COLGALT1: variants seen among roughly 807,000 people sequenced by gnomAD.
COLGALT1 encodes the protein collagen beta(1-O)galactosyltransferase 1.
In COLGALT1, 43 loss-of-function variants were observed where a neutral mutation model predicts 60.8. The ratio of observed to expected loss-of-function variants is 0.71; its 90% CI spans 0.55 to 0.91. COLGALT1 has a LOEUF of 0.91. Ranked by LOEUF, COLGALT1 falls within the 40% of genes least tolerant of loss-of-function variation. The probability of loss-of-function intolerance (pLI) is 0.00; values close to 1 mark genes in which losing one functional copy is unlikely to be tolerated. For missense variants in COLGALT1, 845 were observed against 880.0 expected (o/e 0.96, Z 0.50); for synonymous variants, 369 against 374.2 (o/e 0.99, Z 0.16).
chr19:17,577,003 T>TGAGAGGCAGGA (rs1568480813), intron 6 of COLGALT1, 192 bp from the exon 7 acceptor site: 128 of 589,578 alleles, frequency 2.2e-4, no homozygotes, highest in South Asian at 2.6e-4. Flanking sequence ...TGGCCAGGGC[T>TGAGAGGCAGGA]TTGGGCTGCT....
At chr19:17,567,133 C>G (rs1236397413) in intron 3 of COLGALT1, among the ~76,000 whole-genome samples, 2 of 152,040 alleles carry the variant, frequency 1.3e-5, no homozygotes, top group African/African-American at 4.8e-5. Flanking sequence ...AAAGGTTTTG[C>G]TACCTTCTTG....
chr19:17,579,445 T>C (rs1251020372), intron 9 of COLGALT1, 37 bp from the exon 10 acceptor site: 1 of 1,613,948 alleles, frequency 6.2e-7, no homozygotes, highest in East Asian at 2.2e-5. Context: ...GGCCTGGCCT[T>C]GGCCTCCCTG....
In COLGALT1 at chr19:17,579,513, T is replaced by G. The variant is rs747263236; in HGVS notation, c.1298T>G (p.Val433Gly). ...GACCGGGGGCTGCAGAAATCGCTTGTGTTTGAGGATGACCTGCGTTTTGAG... is the reference window on the plus strand; with the variant it reads ...GACCGGGGGCTGCAGAAATCGCTTGGGTTTGAGGATGACCTGCGTTTTGAG... ...VVDRGLQKSL[V>G]FEDDLRFEIF... The change falls in exon 10 of 12, where the codon GTG becomes GGG. Residue 433 changes from valine to glycine, a missense_variant. Transcript: ENST00000252599. The G allele has an allele frequency of 1.2e-6, 2 of 1,613,984 alleles. No homozygotes were observed. The highest frequency in any genetic ancestry group is 1.7e-6 in the Non-Finnish European group (2 of 1,179,982).
chr19:17,558,888 G>A (rs1001842282), intron 1 of COLGALT1, among the ~76,000 whole-genome samples: 7 of 151,942 alleles, frequency 4.6e-5, no homozygotes, highest in African/African-American at 7.3e-5. Context: ...GGCCGGGCGC[G>A]GTGGCTCACG....
At chr19:17,577,302 G>T (rs371749454) in intron 7 of COLGALT1, 31 bp downstream of exon 7, 45 of 1,611,144 alleles carry the variant, frequency 2.8e-5, no homozygotes, top group Middle Eastern at 1.6e-4. Flanking sequence ...AGGCGGGGCG[G>T]GGGCTGGAGG....
At chr19:17,580,048 G>C (rs1377442997) in intron 10 of COLGALT1, 1 of 192,628 alleles carries the variant, frequency 5.2e-6, no homozygotes, top group Non-Finnish European at 1.1e-5. Context: ...CTTGACTGAG[G>C]CCTGTGGAGG....
chr19:17,559,022 G>A (rs1372896484), intron 1 of COLGALT1, among the ~76,000 whole-genome samples: 2 of 152,080 alleles, frequency 1.3e-5, no homozygotes, highest in South Asian at 2.1e-4. Context: ...TTAGCCGGGT[G>A]TGGTGGCGGG....
rs781164776 is a variant in COLGALT1 at position 17,580,754 on chromosome 19, G to C, written c.1450G>C (p.Val484Leu). 6.2e-7 allele frequency: 1 copy of C among 1,614,044 alleles called. No homozygotes were observed. Among genetic ancestry groups the C allele is most frequent in the Non-Finnish European group, 8.5e-7 (1 of 1,180,018 alleles). Reference sequence around the variant, plus strand: ...GCACCCCGAGAAGGCTGTGCCTCGCGTGAGGAACCTGGTGGAGGCCGACTA... The same window carrying C: ...GCACCCCGAGAAGGCTGTGCCTCGCCTGAGGAACCTGGTGGAGGCCGACTA... ...VEHPEKAVPR[V>L]RNLVEADYSY... Residue 484 changes from valine (V) to leucine (L), a missense_variant, in exon 11 of 12, where the codon GTG (valine) becomes CTG (leucine). Transcript: ENST00000252599.
In COLGALT1 at chr19:17,555,848, G is replaced by A. The variant is rs754091915; in HGVS notation, c.135G>A (p.Pro45=). The A allele has an allele frequency of 5.9e-5, 80 of 1,357,032 alleles. 2 individuals are homozygous for A. The East Asian group carries it at 2.1e-3, about 36-fold the overall frequency. 84.1% of individuals were successfully genotyped at this position (1,357,032 alleles called of 1,614,324 possible). ...ACTTCCCCGAGGAGCGCTGGAGCCCGGAGTCGCCCCTGCAGGCGCCGCGCG... is the reference window on the plus strand; with the variant it reads ...ACTTCCCCGAGGAGCGCTGGAGCCCAGAGTCGCCCCTGCAGGCGCCGCGCG... The part of the protein sequence containing the change: ...DAYFPEERWS[P]ESPLQAPRVL... The change falls in exon 1 of 12, where the codon CCG becomes CCA. Residue 45 remains proline, a synonymous_variant. Transcript: ENST00000252599.
Position 17,567,557 on chromosome 19 carries a change from G to A in COLGALT1, c.624+17G>A. 1 of 1,608,012 alleles carries A rather than the reference G, an allele frequency of 6.2e-7. No homozygotes were observed. The highest frequency in any genetic ancestry group is 8.5e-7 in the Non-Finnish European group (1 of 1,177,116). The stretch of plus-strand genomic sequence containing the variant: ...ACTTCCCAGGTAGAGTGAGGGCCTG[G>A]GGACTGTGGGGACTGGGCTGAGCAG... On this transcript the variant is annotated intron_variant, in intron 4 of 11. Coordinates refer to ENST00000252599, the MANE Select transcript of COLGALT1 (RefSeq NM_024656.4).
In COLGALT1 at chr19:17,577,463, G is replaced by C. The variant is rs1568481244; in HGVS notation, c.1129G>C (p.Gly377Arg). ...IECRLVEAVD[G>R]KAMNTSQVEA... ...GTGCCGGCTGGTGGAGGCCGTGGACGGCAAGTGAGTCCGAGGCCTGGGGGT... is the reference window on the plus strand; with the variant it reads ...GTGCCGGCTGGTGGAGGCCGTGGACCGCAAGTGAGTCCGAGGCCTGGGGGT... The change falls in exon 8 of 12, where the codon GGC (glycine) becomes CGC (arginine). Residue 377 changes from glycine to arginine, a missense_variant. Physicochemically the swap from Gly to Arg is moderately radical, Grantham distance 125 (BLOSUM62 -2). Coordinates refer to ENST00000252599, the MANE Select transcript of COLGALT1 (RefSeq NM_024656.4). 1.5e-6 allele frequency: 2 copies of C among 1,374,126 alleles called. No individual in the cohort carries two copies. Among genetic ancestry groups the C allele is most frequent in the Non-Finnish European group, 9.5e-7 (1 of 1,055,860 alleles). 85.1% of individuals were successfully genotyped at this position (1,374,126 alleles called of 1,614,324 possible).
chr19:17,577,435 C>A lies in COLGALT1; in HGVS notation c.1101C>A (p.Ile367=). 1 of 1,186,758 alleles carries A rather than the reference C, an allele frequency of 8.4e-7. No individual in the cohort carries two copies. The highest frequency in any genetic ancestry group is 1.1e-6 in the Non-Finnish European group (1 of 942,908). 73.5% of individuals were successfully genotyped at this position (1,186,758 alleles called of 1,614,324 possible). A position where few individuals can be genotyped will look rare whatever the true frequency, so the allele number is the denominator to read the frequency against. The change falls in exon 8 of 12, where the codon ATC becomes ATA. Residue 367 remains isoleucine, a synonymous_variant. Coordinates refer to ENST00000252599, the MANE Select transcript of COLGALT1 (RefSeq NM_024656.4). ...TGCGGGCGCTGCAGGCACAGGAGAT[C>A]GAGTGCCGGCTGGTGGAGGCCGTGG... ...RMLRALQAQE[I]ECRLVEAVDG...
chr19:17,561,448 G>GAGGA (rs2076248410), intron 3 of COLGALT1, among the ~76,000 whole-genome samples: 1 of 151,632 alleles, frequency 6.6e-6, no homozygotes, highest in African/African-American at 2.4e-5. Flanking sequence ...CAAGAAGCAG[G>GAGGA]AGGAAGGGGT....
At chr19:17,564,863 A>G (rs2076271466) in intron 3 of COLGALT1, among the ~76,000 whole-genome samples, 1 of 152,040 alleles carries the variant, frequency 6.6e-6, no homozygotes, top group African/African-American at 2.4e-5. Flanking sequence ...CCAGAAAGAA[A>G]ACCCTATTCC....
At chr19:17,580,523 C>G in intron 10 of COLGALT1, 176 bp from the exon 11 acceptor site, 2 of 635,942 alleles carry the variant, frequency 3.1e-6, no homozygotes, top group South Asian at 3.9e-5. Context: ...CTCTTCTCCC[C>G]CATGACCGCC....
chr19:17,557,397 T>C (rs373294681), intron 1 of COLGALT1, among the ~76,000 whole-genome samples: 4 of 151,800 alleles, frequency 2.6e-5, no homozygotes, highest in Middle Eastern at 3.4e-3. Context: ...CGCCTCCGGG[T>C]TCAAGTGATT....
At position 17,581,344 on chromosome 19, in the gene COLGALT1, AG is replaced by A; in HGVS notation, c.1770del (p.Lys590AsnfsTer11). On this transcript the variant is annotated frameshift_variant, in exon 12 of 12. Coordinates refer to ENST00000252599, the MANE Select transcript of COLGALT1 (RefSeq NM_024656.4). LOFTEE classifies it low-confidence loss of function (END_TRUNC). ...EHVKTDWDRA[K>X]SQKMREQQAL... ...GTCAAGACCGACTGGGACCGCGCCA[AG>A]TCCCAGAAGATGCGGGAGCAGCAGG... is the stretch of plus-strand genomic sequence containing the variant. 8.1e-6 allele frequency: 13 copies of A among 1,613,472 alleles called. No individual in the cohort carries two copies. Among genetic ancestry groups the A allele is most frequent in the Non-Finnish European group, 1.1e-5 (13 of 1,179,996 alleles).
chr19:17,556,215 C>G (rs1489308309), intron 1 of COLGALT1, among the ~76,000 whole-genome samples: 2 of 152,326 alleles, frequency 1.3e-5, no homozygotes, highest in South Asian at 2.1e-4. Context: ...ACAGCCCTCC[C>G]CACAACACAA....
intron 1 of COLGALT1, among the ~76,000 whole-genome samples, chr19:17,556,236 G>C (rs928076729): frequency 6.6e-6 from 1 of 152,226 alleles, no homozygotes; most frequent in Non-Finnish European, 1.5e-5. Context: ...GCGGGACCGA[G>C]TTCCTCCTGC....
Sources: allele counts gnomAD v4.1 joint callset (sites outside exome capture counted in the v4.1 genomes callset), GRCh38; gene constraint gnomAD v4.1.1; transcripts MANE v1.5; gene names NCBI Gene and HGNC (gene_info 2026-07-23, HGNC 2026-07-21).